The following SFMBT1 variants were observed in gnomAD, a reference collection of about 807,000 sequenced individuals.
The protein encoded by SFMBT1 is scm-like with four MBT domains protein 1.
In SFMBT1, 32 loss-of-function variants were observed where a neutral mutation model predicts 108.7. The observed-to-expected ratio is 0.29, with a 90% confidence interval of 0.22 to 0.40. The LOEUF is 0.40. SFMBT1 is among the 10% of genes least tolerant of loss of function. SFMBT1 has a pLI of 1.00. For missense variants in SFMBT1, 816 were observed against 1,059.6 expected, an observed-to-expected ratio of 0.77 and a Z score of 3.19; for synonymous variants, 348 against 369.5, an observed-to-expected ratio of 0.94 and a Z score of 0.67.
chr3:53,033,938 C>T (rs779763643), intron 1 of SFMBT1, among the ~76,000 whole-genome samples: 20 of 151,258 alleles, frequency 1.3e-4, no homozygotes, highest in Non-Finnish European at 2.5e-4. Flanking sequence ...GGTGTGGTGG[C>T]GCATGCCTGT....
At chr3:52,970,056 G>A (rs1704284883) in intron 1 of SFMBT1, among the ~76,000 whole-genome samples, 1 of 150,920 alleles carries the variant, frequency 6.6e-6, no homozygotes, top group Non-Finnish European at 1.5e-5. Flanking sequence ...AGCCAAGATC[G>A]CACCACTGCA....
At chr3:52,908,429 T>C (rs1272063852) in intron 17 of SFMBT1, among the ~76,000 whole-genome samples, 2 of 152,212 alleles carry the variant, frequency 1.3e-5, no homozygotes, top group Admixed American at 6.5e-5. Flanking sequence ...TTTTATTATA[T>C]GTTTCTTTTC....
chr3:53,000,498 G>T (rs1305463993), intron 1 of SFMBT1, among the ~76,000 whole-genome samples: 1 of 149,702 alleles, frequency 6.7e-6, no homozygotes, highest in African/African-American at 2.4e-5. Context: ...AGTATTAAGA[G>T]TACTGAGTTA....
intron 1 of SFMBT1, chr3:53,045,399 G>A (rs1315722920): frequency 7.0e-6 from 1 of 143,080 alleles, no homozygotes; most frequent in African/African-American, 2.5e-5. Flanking sequence ...GGCGCGCGGC[G>A]GGCCCGGCGC....
At chr3:53,001,925 TCACACACACACACACACACACACACACA>T (rs59572829) in intron 1 of SFMBT1, among the ~76,000 whole-genome samples, 1 of 129,132 alleles carries the variant, frequency 7.7e-6, no homozygotes, top group Non-Finnish European at 1.7e-5. Flanking sequence ...ACCCAGTCTC[TCACACACACACACACACACACACACACA>T]CACACACACA....
At chr3:53,012,085 G>A (rs1698962908) in intron 1 of SFMBT1, among the ~76,000 whole-genome samples, 1 of 152,156 alleles carries the variant, frequency 6.6e-6, no homozygotes, top group East Asian at 1.9e-4. Flanking sequence ...AAAATTGAGA[G>A]GTAGGAAACC....
intron 1 of SFMBT1, among the ~76,000 whole-genome samples, chr3:53,023,834 T>C (rs1699394346): frequency 6.6e-6 from 1 of 152,024 alleles, no homozygotes; most frequent in Non-Finnish European, 1.5e-5. Context: ...ACACCTGGAG[T>C]GGTTTCCTGA....
intron 1 of SFMBT1, among the ~76,000 whole-genome samples, chr3:52,977,940 C>T (rs1704573959): frequency 1.3e-5 from 2 of 152,024 alleles, no homozygotes; most frequent in African/African-American, 4.8e-5. Context: ...CATTTATTGA[C>T]ATGGAAAGCT....
chr3:52,941,643 A>T (rs1428990916), intron 4 of SFMBT1, among the ~76,000 whole-genome samples: 1 of 144,022 alleles, frequency 6.9e-6, no homozygotes, highest in Non-Finnish European at 1.5e-5. Flanking sequence ...GTGGTGGTTC[A>T]TGCCTGTAAT....
intron 1 of SFMBT1, among the ~76,000 whole-genome samples, chr3:53,005,523 G>A (rs1484798132): frequency 6.6e-6 from 1 of 152,180 alleles, no homozygotes; most frequent in African/African-American, 2.4e-5. Flanking sequence ...TGTTGCCCAG[G>A]CTGGTCTCAA....
At position 52,907,115 on chromosome 3, in the gene SFMBT1, C is replaced by A. The variant is rs748976524; in HGVS notation, c.2285G>T (p.Arg762Leu). Reference sequence around the variant, plus strand: ...TTCATCGTCAGAAAATGAAAAGGTGCGAAGCTCCCTTTTTCTCCTTTGTCT... The same window carrying A: ...TTCATCGTCAGAAAATGAAAAGGTGAGAAGCTCCCTTTTTCTCCTTTGTCT... ...PDRQRRKREL[R>L]TFSFSDDENK... The change falls in exon 19 of 21, where the codon CGC (arginine) becomes CTC (leucine). Residue 762 changes from arginine to leucine, a missense_variant. Physicochemically the swap from Arg to Leu is moderately radical, Grantham distance 102. Transcript: ENST00000394752. The A allele has an allele frequency of 6.2e-7, 1 of 1,614,052 alleles. No individual in the cohort carries two copies. Among genetic ancestry groups the A allele is most frequent in the African/African-American group, 1.3e-5 (1 of 75,020 alleles).
In SFMBT1 at chr3:52,931,673, C is replaced by G. The variant is rs577268966; in HGVS notation, c.700+389G>C. 1.4e-4 allele frequency among the ~76,000 whole-genome samples: 21 copies of G among 152,246 alleles called. No individual in the cohort carries two copies. The South Asian group carries it at 1.9e-3, about 14-fold the overall frequency. ...TGGCCAACATGGTGAAACCCCATCTCTACTACAAATACAAAAATTAGCCGG... is the reference window on the plus strand; with the variant it reads ...TGGCCAACATGGTGAAACCCCATCTGTACTACAAATACAAAAATTAGCCGG... On this transcript the variant is annotated intron_variant, in intron 6 of 20. Coordinates refer to ENST00000394752, the MANE Select transcript of SFMBT1 (RefSeq NM_016329.4).
In SFMBT1 at chr3:52,934,851, T is replaced by A. The variant is rs774328121; in HGVS notation, c.415A>T (p.Ile139Leu). The stretch of plus-strand genomic sequence containing the variant: ...GGAACAGGAGGACTACATGCTCCTA[T>A]CAGGGTCTGCCGCAGAAACTCATCC... ...DWDEFLRQTLIGACSPPVPLL... is the reference protein window; with the variant it reads ...DWDEFLRQTLLGACSPPVPLL... The change falls in exon 5 of 21, where the codon ATA becomes TTA. Residue 139 changes from isoleucine to leucine, a missense_variant. Coordinates refer to ENST00000394752, the MANE Select transcript of SFMBT1 (RefSeq NM_016329.4). The A allele has an allele frequency of 1.3e-5, 21 of 1,613,666 alleles. No homozygotes were observed. The highest frequency in any genetic ancestry group is 1.7e-5 in the Non-Finnish European group (20 of 1,179,848).
intron 2 of SFMBT1, among the ~76,000 whole-genome samples, chr3:52,955,062 G>A (rs1030608009): frequency 4.6e-5 from 7 of 151,986 alleles, no homozygotes; most frequent in African/African-American, 1.7e-4. Flanking sequence ...ATCAAGATCA[G>A]AATAGAACTG....
At chr3:52,997,521 G>A (rs975271385) in intron 1 of SFMBT1, among the ~76,000 whole-genome samples, 30 of 149,132 alleles carry the variant, frequency 2.0e-4, no homozygotes, top group African/African-American at 7.1e-4. Flanking sequence ...GGGTGACAGA[G>A]CGAGAGTCCA....
Position 53,025,346 on chromosome 3 carries a change from C to T in SFMBT1, c.-131+20470G>A, listed in dbSNP as rs375348324. ...ATTTCAGGCTGGGTGCAGTGGCTCA[C>T]GCCTGTATCCTAACACTTTGGGAGG... On this transcript the variant is annotated intron_variant, in intron 1 of 20. Transcript: ENST00000394752. 6.0e-4 allele frequency among the ~76,000 whole-genome samples: 91 copies of T among 152,270 alleles called. 2 individuals are homozygous for T. In the South Asian group the frequency reaches 0.018, roughly 30 times the overall value.
chr3:52,906,779 C>A (rs989264286), intron 19 of SFMBT1, among the ~76,000 whole-genome samples: 1 of 152,036 alleles, frequency 6.6e-6, no homozygotes, highest in Non-Finnish European at 1.5e-5. Context: ...GCAGTTTTCC[C>A]AAAAATAAAT....
chr3:52,941,707 G>C (rs1336400069), intron 4 of SFMBT1, among the ~76,000 whole-genome samples: 1 of 151,762 alleles, frequency 6.6e-6, no homozygotes, highest in Non-Finnish European at 1.5e-5. Flanking sequence ...GACTGGCCTG[G>C]GCAACACAGC....
At chr3:52,963,417 C>A (rs553688966) in intron 2 of SFMBT1, among the ~76,000 whole-genome samples, 2 of 151,844 alleles carry the variant, frequency 1.3e-5, no homozygotes, top group Non-Finnish European at 2.9e-5. Flanking sequence ...GGGAAAACCA[C>A]AAGAAAACAG....
Sources: allele counts gnomAD v4.1 joint callset (sites outside exome capture counted in the v4.1 genomes callset), GRCh38; gene constraint gnomAD v4.1.1; transcripts MANE v1.5; gene names NCBI Gene and HGNC (gene_info 2026-07-23, HGNC 2026-07-21).